MNX1: variants seen among roughly 807,000 people sequenced by gnomAD.
The protein encoded by MNX1 is motor neuron and pancreas homeobox 1.
Under a neutral mutation model 17.3 loss-of-function variants are expected in MNX1, and 2 were observed. The observed-to-expected ratio is 0.12, with a 90% confidence interval of 0.05 to 0.36. MNX1 has a LOEUF of 0.36. Ranked by LOEUF, MNX1 falls within the 10% of genes least tolerant of loss-of-function variation. MNX1 has a pLI of 1.00. For synonymous variants in MNX1, 306 were observed against 283.1 expected (o/e 1.08, Z -0.81); for missense variants, 556 against 564.7 (o/e 0.98, Z 0.16).
At chr7:157,009,224 C>T in intron 1 of MNX1, 2 of 1,437,080 alleles carry the variant, frequency 1.4e-6, no homozygotes, top group Non-Finnish European at 1.8e-6. Flanking sequence ...ACTCCCTCTC[C>T]CTGGAGGGGC....
At chr7:157,007,555 T>C (rs1202687988) in intron 1 of MNX1, 1 of 152,186 alleles carries the variant, frequency 6.6e-6, no homozygotes, top group Admixed American at 6.5e-5. Flanking sequence ...CAATTCTCAT[T>C]ACGCAAATTA....
rs1258381649 is a variant in MNX1 at position 157,009,779 on chromosome 7, C to A, written c.572G>T (p.Gly191Val). ...GTCGGCGGGGTGCGCGGGGTGCGCG[C>A]CTTGCACCTGCGGGTACGAGTAGGA... ...ALSYSYPQVQ[G>V]AHPAHPADPI... The change falls in exon 1 of 3, where the codon GGC becomes GTC. Residue 191 changes from glycine (G) to valine (V), a missense_variant. This residue lies in a region of MNX1 where 210 missense variants were observed against 211.3 expected (regional missense o/e 0.99). Transcript: ENST00000252971. The A allele has an allele frequency of 6.3e-7, 1 of 1,591,298 alleles. No homozygotes were observed. The highest frequency in any genetic ancestry group is 2.3e-5 in the East Asian group (1 of 44,096).
chr7:157,009,694 C>T lies in MNX1; in HGVS notation c.657G>A (p.Ala219=). The change falls in exon 1 of 3, where the codon GCG becomes GCA. Residue 219 remains alanine (A), a synonymous_variant. Coordinates refer to ENST00000252971, the MANE Select transcript of MNX1 (RefSeq NM_005515.4). ...QLDQWLRAST[A]GMILPKMPDF... is the part of the protein sequence containing the mutation. The stretch of plus-strand genomic sequence containing the variant: ...CGGGCATCTTAGGCAGGATCATGCC[C>T]GCGGTGGACGCGCGCAGCCACTGGT... 6.2e-7 allele frequency: 1 copy of T among 1,608,674 alleles called. No individual in the cohort carries two copies. Among genetic ancestry groups the T allele is most frequent in the Non-Finnish European group, 8.5e-7 (1 of 1,178,968 alleles).
Position 157,006,853 on chromosome 7 carries a change from A to ATTTTTTTTTTTTTTTTTTTTTTTTT in MNX1, c.692-215_692-214insAAAAAAAAAAAAAAAAAAAAAAAAA, listed in dbSNP as rs373662349. ...GGATAGTTTGGAGTTAATGAGACCAATTTTTTTTTTTTTTTTTGTCTAGGA... is the reference window on the plus strand; with the variant it reads ...GGATAGTTTGGAGTTAATGAGACCAATTTTTTTTTTTTTTTTTTTTTTTTTTTTTTTTTTTTTTTTTTGTCTAGGA... On this transcript the variant is annotated intron_variant, in intron 1 of 2. Transcript: ENST00000252971. The surrounding 1 kb of genome is among the most constrained non-coding windows in gnomAD (Gnocchi z 6.3). 1 of 260,074 alleles carries ATTTTTTTTTTTTTTTTTTTTTTTTT rather than the reference A, an allele frequency of 3.8e-6. No homozygotes were observed. Among genetic ancestry groups the ATTTTTTTTTTTTTTTTTTTTTTTTT allele is most frequent in the African/African-American group, 3.8e-5 (1 of 26,482 alleles). 16.1% of individuals were successfully genotyped at this position (260,074 alleles called of 1,614,324 possible).
At position 157,006,748 on chromosome 7, in the gene MNX1, C is replaced by T; in HGVS notation, c.692-109G>A. ...CAAGGCCCCAGCGCCAAGGCCTGGC[C>T]CTGCAGAGGGCGGGGCTGTTCCCTC... On this transcript the variant is annotated intron_variant, in intron 1 of 2. Coordinates refer to ENST00000252971, the MANE Select transcript of MNX1 (RefSeq NM_005515.4). This position sits in a 1 kb window ranked among gnomAD's most constrained non-coding sequence, Gnocchi z 6.3. 8.1e-7 allele frequency: 1 copy of T among 1,232,406 alleles called. No homozygotes were observed. The highest frequency in any genetic ancestry group is 1.1e-6 in the Non-Finnish European group (1 of 899,852). 76.3% of individuals were successfully genotyped at this position (1,232,406 alleles called of 1,614,324 possible).
In MNX1 at chr7:157,009,366, C is replaced by CTCCTGCA; in HGVS notation, c.691+287_691+293dup. On this transcript the variant is annotated intron_variant, in intron 1 of 2. Coordinates refer to ENST00000252971, the MANE Select transcript of MNX1 (RefSeq NM_005515.4). ...CTCGCCTTCCCCCGGCGACTTCCTT[C>CTCCTGCA]TCCTGCAGCCTTCGGGTTAATCATT... 25 of 1,417,222 alleles carry CTCCTGCA rather than the reference C, an allele frequency of 1.8e-5. 2 individuals are homozygous for CTCCTGCA. The South Asian group carries it at 3.9e-4, about 22-fold the overall frequency. The allele number at this position is 1,417,222 out of a possible 1,614,324, so 87.8% of individuals were successfully genotyped here.
Position 157,005,600 on chromosome 7 carries a change from C to T in MNX1, c.1126G>A (p.Val376Ile), listed in dbSNP as rs769005741. The T allele has an allele frequency of 2.5e-6, 4 of 1,602,680 alleles. No individual in the cohort carries two copies. The South Asian group carries it at 4.5e-5, about 18-fold the overall frequency. Residue 376 changes from valine to isoleucine, a missense_variant, in exon 3 of 3, where the codon GTC becomes ATC. Transcript: ENST00000252971. ...GAGCAGTCGGAGGAGGCGGCGTGGACGCTGGCGCCGTTGCTGTAGGGGAAA... is the reference window on the plus strand; with the variant it reads ...GAGCAGTCGGAGGAGGCGGCGTGGATGCTGGCGCCGTTGCTGTAGGGGAAA... The part of the protein sequence containing the change: ...DHFPYSNGAS[V>I]HAASSDCSSE...
chr7:157,007,806 A>C (rs1318369321), intron 1 of MNX1: 1 of 152,270 alleles, frequency 6.6e-6, no homozygotes, highest in Non-Finnish European at 1.5e-5. Flanking sequence ...AGTTTGCTTT[A>C]GAGGATGGCC....
chr7:157,007,040 A>G (rs1229054040), intron 1 of MNX1: 6 of 184,678 alleles, frequency 3.2e-5, no homozygotes, highest in African/African-American at 1.2e-4. Flanking sequence ...TGAAGGCTGC[A>G]GTGAGCGAGA....
chr7:157,008,329 T>C (rs3793333), intron 1 of MNX1: 41,074 of 152,246 alleles, frequency 0.27, 8,921 homozygotes, highest in African/African-American at 0.6. Context: ...GTCGGCACCC[T>C]GGGTTTAAGC....
At chr7:157,008,906 C>T (rs886809347) in intron 1 of MNX1, 4 of 1,374,978 alleles carry the variant, frequency 2.9e-6, no homozygotes, top group Non-Finnish European at 4.0e-6. Context: ...GGTGTCCCGC[C>T]CGGATGGAGA....
rs531296106 is a variant in MNX1 at position 157,005,589 on chromosome 7, G to C, written c.1137C>G (p.Ala379=). ...CGTCCTCCGAGGAGCAGTCGGAGGA[G>C]GCGGCGTGGACGCTGGCGCCGTTGC... ...PYSNGASVHA[A]SSDCSSEDDS... The change falls in exon 3 of 3, where the codon GCC becomes GCG. Residue 379 remains alanine, a synonymous_variant. Transcript: ENST00000252971. 66 of 1,598,538 alleles carry C rather than the reference G, an allele frequency of 4.1e-5. 2 individuals carry two copies. In the African/African-American group the frequency reaches 8.0e-4, roughly 19 times the overall value.
chr7:157,005,421 C>T lies in MNX1; in HGVS notation c.*99G>A. On this transcript the variant is annotated 3_prime_UTR_variant, in exon 3 of 3. Coordinates refer to ENST00000252971, the MANE Select transcript of MNX1 (RefSeq NM_005515.4). ...CCATGGGGCGGCGGTCGAGCCTGCT[C>T]TCGGGGCCGGGCCGGGTGGGTGCGG... 5 of 899,582 alleles carry T rather than the reference C, an allele frequency of 5.6e-6. No individual in the cohort carries two copies. Among genetic ancestry groups the T allele is most frequent in the South Asian group, 1.1e-4 (2 of 18,594 alleles). 55.7% of individuals were successfully genotyped at this position (899,582 alleles called of 1,614,324 possible).
intron 1 of MNX1, chr7:157,007,978 G>A (rs547817119): frequency 1.3e-5 from 2 of 152,380 alleles, no homozygotes; most frequent in Admixed American, 6.5e-5. Context: ...CCGGACCAGC[G>A]AGGAGGACTT....
chr7:157,010,321 G>A lies in MNX1; in HGVS notation c.30C>T (p.Asp10=). 6.3e-7 allele frequency: 1 copy of A among 1,582,852 alleles called. No individual in the cohort carries two copies. Among genetic ancestry groups the A allele is most frequent in the Non-Finnish European group, 8.6e-7 (1 of 1,165,564 alleles). Reference sequence around the variant, plus strand: ...GTGGGGGGTCCACCGCCAGCAGGGCGTCGATGCGGAAATTTTTGGATTTTT... The same window carrying A: ...GTGGGGGGTCCACCGCCAGCAGGGCATCGATGCGGAAATTTTTGGATTTTT... MEKSKNFRI[D]ALLAVDPPRA... is the part of the protein sequence containing the mutation. Residue 10 remains aspartate (D), a synonymous_variant, in exon 1 of 3, where the codon GAC becomes GAT. Transcript: ENST00000252971.
In MNX1 at chr7:157,006,679, G is replaced by A. The variant is rs904900973; in HGVS notation, c.692-40C>T. 6.5e-6 allele frequency: 10 copies of A among 1,535,494 alleles called. No individual in the cohort carries two copies. The highest frequency in any genetic ancestry group is 7.9e-6 in the Non-Finnish European group (9 of 1,141,488). ...GCAGTGAGGCCCACAGCCGGCTCCGGTCCTCGCCCCAGCCCCTCCCGTTGC... is the reference window on the plus strand; with the variant it reads ...GCAGTGAGGCCCACAGCCGGCTCCGATCCTCGCCCCAGCCCCTCCCGTTGC... On this transcript the variant is annotated intron_variant, in intron 1 of 2. Transcript: ENST00000252971. This position sits in a 1 kb window ranked among gnomAD's most constrained non-coding sequence, Gnocchi z 6.3.
In MNX1 at chr7:157,009,691, G is replaced by T; in HGVS notation, c.660C>A (p.Gly220=). 1 of 1,608,766 alleles carries T rather than the reference G, an allele frequency of 6.2e-7. No homozygotes were observed. The highest frequency in any genetic ancestry group is 8.5e-7 in the Non-Finnish European group (1 of 1,178,978). The change falls in exon 1 of 3, where the codon GGC becomes GGA. Residue 220 remains glycine (G), a synonymous_variant. Coordinates refer to ENST00000252971, the MANE Select transcript of MNX1 (RefSeq NM_005515.4). ...LDQWLRASTA[G]MILPKMPDFN... ...AGTCGGGCATCTTAGGCAGGATCATGCCCGCGGTGGACGCGCGCAGCCACT... is the reference window on the plus strand; with the variant it reads ...AGTCGGGCATCTTAGGCAGGATCATTCCCGCGGTGGACGCGCGCAGCCACT...
chr7:157,006,378 G>A lies in MNX1; in HGVS notation c.852+101C>T. 1 of 1,342,010 alleles carries A rather than the reference G, an allele frequency of 7.5e-7. No homozygotes were observed. The highest frequency in any genetic ancestry group is 1.0e-6 in the Non-Finnish European group (1 of 987,062). 83.1% of individuals were successfully genotyped at this position (1,342,010 alleles called of 1,614,324 possible). On this transcript the variant is annotated intron_variant, in intron 2 of 2. Coordinates refer to ENST00000252971, the MANE Select transcript of MNX1 (RefSeq NM_005515.4). The surrounding 1 kb of genome is among the most constrained non-coding windows in gnomAD (Gnocchi z 6.3). ...TGCGCCCGCCGTCTGAACCGTCGAG[G>A]CGCAGCGCTAGATGCCTCAGACCGC...
intron 1 of MNX1, chr7:157,008,757 G>A (rs1194646569): frequency 1.7e-6 from 1 of 578,760 alleles, no homozygotes; most frequent in Non-Finnish European, 3.1e-6. Flanking sequence ...ATATACATCT[G>A]CTCGGCCCGA....
Sources: gnomAD v4.1 joint callset for allele counts on GRCh38, gnomAD v4.1.1 for gene constraint, gnomAD v4.1.1 regional missense constraint, Gnocchi (gnomAD v3.1) non-coding constraint, MANE v1.5 for transcripts, NCBI Gene and HGNC (gene_info 2026-07-23, HGNC 2026-07-21) for gene names.